The following STKLD1 variants were observed in gnomAD, a reference collection of about 807,000 sequenced individuals.
STKLD1 encodes the protein serine/threonine kinase-like domain-containing protein STKLD1.
In STKLD1, 79 loss-of-function variants were observed where a neutral mutation model predicts 80.4. The ratio of observed to expected loss-of-function variants is 0.98; its 90% CI spans 0.82 to 1.19. The LOEUF is 1.19. Ranked by LOEUF, STKLD1 falls within the 50% of genes most tolerant of loss-of-function variation. STKLD1 has a pLI of 0.00. For missense variants in STKLD1, 841 were observed against 856.0 expected (o/e 0.98, Z 0.22); for synonymous variants, 393 against 357.6 (o/e 1.10, Z -1.12).
At chr9:133,401,624 CG>C in intron 12 of STKLD1, 113 bp from the exon 13 acceptor site, 2 of 1,328,282 alleles carry the variant, frequency 1.5e-6, no homozygotes, top group Non-Finnish European at 2.0e-6. Flanking sequence ...AGGCAGACCT[CG>C]GTTTCCTTCA....
intron 10 of STKLD1, among the ~76,000 whole-genome samples, chr9:133,397,702 G>A (rs781820902): frequency 3.3e-5 from 5 of 152,160 alleles, no homozygotes; most frequent in East Asian, 1.9e-4. Context: ...TCCTTCCTGC[G>A]TGCTTCTATG....
intron 10 of STKLD1, among the ~76,000 whole-genome samples, chr9:133,397,541 C>T (rs998567441): frequency 6.6e-6 from 1 of 152,170 alleles, no homozygotes; most frequent in Non-Finnish European, 1.5e-5. Flanking sequence ...GCCTGGCCCC[C>T]ACCTGTTTTC....
Position 133,376,514 on chromosome 9 carries a change from G to C in STKLD1, c.41G>C (p.Gly14Ala), listed in dbSNP as rs1837957744. The change falls in exon 1 of 18, where the codon GGG becomes GCG. Residue 14 changes from glycine (G) to alanine (A), a missense_variant. Transcript: ENST00000371957. ...TCCAATCGCAGGCGCCCCACGCAGG[G>C]GGAGCGAGGCCCAGGGTCCCCCGGA... The part of the protein sequence containing the change: ...PGSNRRRPTQ[G>A]ERGPGSPGEP... The C allele has an allele frequency of 6.2e-7, 1 of 1,601,440 alleles. No homozygotes were observed. The highest frequency in any genetic ancestry group is 1.3e-5 in the African/African-American group (1 of 74,484).
chr9:133,389,375 T>G lies in STKLD1; in HGVS notation c.397-151T>G. On this transcript the variant is annotated intron_variant, in intron 5 of 17. Coordinates refer to ENST00000371957, the MANE Select transcript of STKLD1 (RefSeq NM_153710.5). This position sits in a 1 kb window ranked among gnomAD's most constrained non-coding sequence, Gnocchi z 6.4. Reference sequence around the variant, plus strand: ...TCTGGAGAGCCACCACGCTGAAGCCTCCTCCACCCTGAGCGCTTGGCTGGC... The same window carrying G: ...TCTGGAGAGCCACCACGCTGAAGCCGCCTCCACCCTGAGCGCTTGGCTGGC... 7.0e-7 allele frequency: 1 copy of G among 1,433,322 alleles called. No individual in the cohort carries two copies. The highest frequency in any genetic ancestry group is 9.2e-7 in the Non-Finnish European group (1 of 1,092,320). 88.8% of individuals were successfully genotyped at this position (1,433,322 alleles called of 1,614,324 possible). A position where few individuals can be genotyped will look rare whatever the true frequency, so the allele number is the denominator to read the frequency against.
chr9:133,394,391 C>G lies in STKLD1; in HGVS notation c.684C>G (p.Thr228=), dbSNP rs587735253. The stretch of plus-strand genomic sequence containing the variant: ...TGGGCTGCATCATTCTGGACATGAC[C>G]AGCTGCTCCTTCATGGATGTGAGCC... ...WSLGCIILDM[T]SCSFMDGTEA... The change falls in exon 8 of 18, where the codon ACC becomes ACG. Residue 228 remains threonine, a synonymous_variant. Coordinates refer to ENST00000371957, the MANE Select transcript of STKLD1 (RefSeq NM_153710.5). The surrounding 1 kb of genome is among the most constrained non-coding windows in gnomAD (Gnocchi z 4.9). The G allele has an allele frequency of 6.2e-7, 1 of 1,613,254 alleles. No individual in the cohort carries two copies. The highest frequency in any genetic ancestry group is 8.5e-7 in the Non-Finnish European group (1 of 1,179,420).
Position 133,405,663 on chromosome 9 carries a change from TTCTTGCGCGGAAAAAGTGC to T in STKLD1, c.*248_*266del, listed in dbSNP as rs1024392907. 9.9e-6 allele frequency: 4 copies of T among 402,522 alleles called. No individual in the cohort carries two copies. In the Admixed American group the frequency reaches 1.3e-4, roughly 14 times the overall value. The allele number at this position is 402,522 out of a possible 1,614,324, so 24.9% of individuals were successfully genotyped here. A position where few individuals can be genotyped will look rare whatever the true frequency, so the allele number is the denominator to read the frequency against. On this transcript the variant is annotated 3_prime_UTR_variant, in exon 18 of 18. Transcript: ENST00000371957. ...CTGCTTCCTCCTTCCAGGAACTGGT[TTCTTGCGCGGAAAAAGTGC>T]TCTTGAGGCTGGAGGCAGCCACCTC...
At position 133,392,603 on chromosome 9, in the gene STKLD1, GTGGA is replaced by G. The variant is rs1245671424; in HGVS notation, c.584-1654_584-1651del. Among the ~76,000 whole-genome samples, 361 of 36,508 alleles carry G rather than the reference GTGGA, an allele frequency of 9.9e-3. 6 individuals are homozygous for G. The highest frequency in any genetic ancestry group is 0.023 in the Middle Eastern group (1 of 44). 24.0% of individuals were successfully genotyped at this position (36,508 alleles called of 152,430 possible). ...GATGAGTGGATGGATGGATGGATGGGTGGATGGATGGATGGATGGATGGATGGAT... is the reference window on the plus strand; with the variant it reads ...GATGAGTGGATGGATGGATGGATGGGTGGATGGATGGATGGATGGATGGAT... On this transcript the variant is annotated intron_variant, in intron 7 of 17. Transcript: ENST00000371957.
chr9:133,379,237 C>A (rs1430323133), intron 2 of STKLD1, 115 bp downstream of exon 2: 1 of 848,478 alleles, frequency 1.2e-6, no homozygotes, highest in Non-Finnish European at 1.9e-6. Context: ...GGATTCCTCG[C>A]TGCTGACACT....
At chr9:133,383,983 T>C in intron 3 of STKLD1, 83 bp downstream of exon 3, 1 of 1,355,664 alleles carries the variant, frequency 7.4e-7, no homozygotes, top group Non-Finnish European at 1.1e-6. Context: ...GTTGAGTGCC[T>C]GGATGAAGAG....
At chr9:133,403,366 GTTTT>G (rs1554778068) in intron 14 of STKLD1, among the ~76,000 whole-genome samples, 1 of 152,182 alleles carries the variant, frequency 6.6e-6, no homozygotes. Context: ...TGCCCTGTTT[GTTTT>G]GATTTTTGAT....
Position 133,389,711 on chromosome 9 carries a change from C to A in STKLD1, c.467+115C>A. The stretch of plus-strand genomic sequence containing the variant: ...GATCTGGGGAGAAAGGTGCACCGGG[C>A]CAGTGCAGCCAGGATAGGATGGGAC... On this transcript the variant is annotated intron_variant, in intron 6 of 17. Coordinates refer to ENST00000371957, the MANE Select transcript of STKLD1 (RefSeq NM_153710.5). This position sits in a 1 kb window ranked among gnomAD's most constrained non-coding sequence, Gnocchi z 6.4. 1 of 1,489,602 alleles carries A rather than the reference C, an allele frequency of 6.7e-7. No homozygotes were observed. Among genetic ancestry groups the A allele is most frequent in the Non-Finnish European group, 9.1e-7 (1 of 1,104,788 alleles). The allele number at this position is 1,489,602 out of a possible 1,614,324, so 92.3% of individuals were successfully genotyped here.
chr9:133,389,576 C>G lies in STKLD1; in HGVS notation c.447C>G (p.His149Gln), dbSNP rs2130284522. Residue 149 changes from histidine (H) to glutamine (Q), a missense_variant, in exon 6 of 18, where the codon CAC becomes CAG. Transcript: ENST00000371957. The surrounding 1 kb of genome is among the most constrained non-coding windows in gnomAD (Gnocchi z 6.4). ...GQVLDALEYL[H>Q]HLDIIHRNLK... ...TGCTGGACGCGCTGGAATACCTGCA[C>G]CATTTGGACATCATCCACAGGTAAG... The G allele has an allele frequency of 6.2e-7, 1 of 1,613,542 alleles. No individual in the cohort carries two copies. Among genetic ancestry groups the G allele is most frequent in the Admixed American group, 1.7e-5 (1 of 60,004 alleles).
intron 8 of STKLD1, among the ~76,000 whole-genome samples, chr9:133,395,383 C>T (rs1461870152): frequency 6.6e-6 from 1 of 152,156 alleles, no homozygotes; most frequent in Admixed American, 6.5e-5. Context: ...GGACTCCACC[C>T]CGGGAGACAA....
intron 2 of STKLD1, among the ~76,000 whole-genome samples, chr9:133,383,268 G>GATA (rs1838184913): frequency 6.6e-5 from 3 of 45,686 alleles, no homozygotes; most frequent in Non-Finnish European, 1.4e-4. Context: ...TTGGAGTGAT[G>GATA]GTGGTAATGG....
chr9:133,397,263 G>A lies in STKLD1; in HGVS notation c.966G>A (p.Met322Ile). Residue 322 changes from methionine (M) to isoleucine (I), a missense_variant, in exon 10 of 18, where the codon ATG becomes ATA. Physicochemically the swap from Met to Ile is conservative, Grantham distance 10. Transcript: ENST00000371957. ...RQMVPASITD[M>I]LLEGNVASIL... ...TGGTGCCTGCGTCCATCACCGACAT[G>A]CTGTTAGAAGGCAACGTGGCCAGCA... The A allele has an allele frequency of 1.9e-6, 3 of 1,613,822 alleles. No homozygotes were observed. The highest frequency in any genetic ancestry group is 2.5e-6 in the Non-Finnish European group (3 of 1,180,012).
chr9:133,391,490 A>C (rs1280098198), intron 7 of STKLD1, among the ~76,000 whole-genome samples: 1 of 151,198 alleles, frequency 6.6e-6, no homozygotes, highest in East Asian at 1.9e-4. Context: ...AGAAGTAGAC[A>C]TGGGAGACTT....
chr9:133,404,068 G>C lies in STKLD1; in HGVS notation c.1732+20G>C. ...TGTCAGGTGAGCCTGGGGACAGGAC[G>C]AGGCTGCCACCTAGAGGTGGGGGCA... On this transcript the variant is annotated intron_variant, in intron 16 of 17. Coordinates refer to ENST00000371957, the MANE Select transcript of STKLD1 (RefSeq NM_153710.5). The C allele has an allele frequency of 2.6e-6, 4 of 1,567,348 alleles. No individual in the cohort carries two copies. Among genetic ancestry groups the C allele is most frequent in the Non-Finnish European group, 3.4e-6 (4 of 1,159,518 alleles).
At chr9:133,377,129 C>G (rs1361670822) in intron 1 of STKLD1, among the ~76,000 whole-genome samples, 1 of 152,096 alleles carries the variant, frequency 6.6e-6, no homozygotes, top group East Asian at 1.9e-4. Context: ...GAAGAATTGT[C>G]TTTGTGTGAG....
Position 133,389,506 on chromosome 9 carries a change from A to C in STKLD1, c.397-20A>C, listed in dbSNP as rs1588743482. Reference sequence around the variant, plus strand: ...CACAGGGTGCCCCTCCCATCCTGGCACCCCCTACTTCTCCCCCAGTGGATG... The same window carrying C: ...CACAGGGTGCCCCTCCCATCCTGGCCCCCCCTACTTCTCCCCCAGTGGATG... On this transcript the variant is annotated intron_variant, in intron 5 of 17. Transcript: ENST00000371957. The surrounding 1 kb of genome is among the most constrained non-coding windows in gnomAD (Gnocchi z 6.4). The C allele has an allele frequency of 6.8e-6, 11 of 1,612,100 alleles. No homozygotes were observed. The highest frequency in any genetic ancestry group is 8.5e-6 in the Non-Finnish European group (10 of 1,179,564).
Sources: allele counts gnomAD v4.1 joint callset (sites outside exome capture counted in the v4.1 genomes callset), GRCh38; gene constraint gnomAD v4.1.1; non-coding constraint Gnocchi (gnomAD v3.1); transcripts MANE v1.5; gene names NCBI Gene and HGNC (gene_info 2026-07-23, HGNC 2026-07-21).